Variants in SLC25A21 observed in about 807,000 individuals in gnomAD.
SLC25A21 encodes the protein mitochondrial 2-oxodicarboxylate carrier.
A neutral mutation model predicts 43.8 loss-of-function variants in SLC25A21; 47 were observed. That is an observed-to-expected ratio of 1.07 (90% CI 0.85 to 1.37). SLC25A21 has a LOEUF of 1.37. Among genes scored for constraint, SLC25A21 ranks in the 40% most tolerant of loss-of-function variants. SLC25A21 has a pLI of 0.00. For missense variants in SLC25A21, 352 were observed against 350.2 expected, an observed-to-expected ratio of 1.00 and a Z score of -0.04; for synonymous variants, 131 against 121.3, an observed-to-expected ratio of 1.08 and a Z score of -0.52.
At chr14:37,019,526 G>C (rs1415690447) in intron 1 of SLC25A21, among the ~76,000 whole-genome samples, 1 of 151,768 alleles carries the variant, frequency 6.6e-6, no homozygotes, top group Non-Finnish European at 1.5e-5. Context: ...CATTGGTAGT[G>C]GGAGCTCTGG....
At chr14:36,822,658 ATCT>A (rs1307819238) in intron 2 of SLC25A21, among the ~76,000 whole-genome samples, 2 of 152,218 alleles carry the variant, frequency 1.3e-5, no homozygotes, top group East Asian at 1.9e-4. Context: ...GACAAGGAAA[ATCT>A]TCTGTGCTAT....
chr14:36,911,301 AGAGTACCAAT>A (rs1269602164), intron 1 of SLC25A21, among the ~76,000 whole-genome samples: 1 of 152,218 alleles, frequency 6.6e-6, no homozygotes, highest in Non-Finnish European at 1.5e-5. Context: ...CACTCTGAAG[AGAGTACCAAT>A]GAGTATCATA....
At chr14:36,870,551 A>T (rs1239077285) in intron 2 of SLC25A21, 1 of 152,166 alleles carries the variant, frequency 6.6e-6, no homozygotes, top group Non-Finnish European at 1.5e-5. Flanking sequence ...AATACCAGTC[A>T]TAGTGGACTT....
At chr14:36,785,486 G>A (rs1178637188) in intron 3 of SLC25A21, among the ~76,000 whole-genome samples, 1 of 152,194 alleles carries the variant, frequency 6.6e-6, no homozygotes, top group East Asian at 1.9e-4. Context: ...CTGGAGGGAT[G>A]GAGAGAGGAT....
At chr14:37,165,028 C>T (rs183392744) in intron 1 of SLC25A21, among the ~76,000 whole-genome samples, 45 of 152,314 alleles carry the variant, frequency 3.0e-4, no homozygotes, top group Admixed American at 2.5e-3. Context: ...AAGCAATGAA[C>T]TGCAGGGAGA....
intron 1 of SLC25A21, among the ~76,000 whole-genome samples, chr14:36,944,820 C>T (rs532074282): frequency 5.5e-4 from 83 of 152,212 alleles, no homozygotes; most frequent in African/African-American, 1.9e-3. Flanking sequence ...AGATGAGATG[C>T]CCTAAAGCTA....
rs183775370 is a variant in SLC25A21, at chr14:37,122,229, G to C, written c.70+50052C>G. 2.0e-5 allele frequency among the ~76,000 whole-genome samples: 3 copies of C among 152,258 alleles called. No individual in the cohort carries two copies. The East Asian group carries it at 5.8e-4, about 29-fold the overall frequency. On this transcript the variant is annotated intron_variant, in intron 1 of 9. Coordinates refer to ENST00000331299, the MANE Select transcript of SLC25A21 (RefSeq NM_030631.4). Reference sequence around the variant, plus strand: ...TTTAGGTTAAGAAGAACTCTTTAACGTTTTTCAGTGCATCTGTTTAATCAG... The same window carrying C: ...TTTAGGTTAAGAAGAACTCTTTAACCTTTTTCAGTGCATCTGTTTAATCAG...
chr14:36,845,404 C>T lies in SLC25A21; in HGVS notation c.119+29552G>A, dbSNP rs527300000. On this transcript the variant is annotated intron_variant, in intron 2 of 9. Transcript: ENST00000331299. The stretch of plus-strand genomic sequence containing the variant: ...ATGCTATTTTCATGCACAATGCACA[C>T]TTTATATCCTTGAGATTCATTGTAA... Among the ~76,000 whole-genome samples the T allele has an allele frequency of 3.9e-5, 6 of 152,286 alleles. No homozygotes were observed. In the East Asian group the frequency reaches 1.2e-3, roughly 29 times the overall value.
intron 1 of SLC25A21, among the ~76,000 whole-genome samples, chr14:37,057,312 G>C (rs17106144): frequency 1.3e-5 from 2 of 152,136 alleles, no homozygotes; most frequent in African/African-American, 4.8e-5. Context: ...TATTCCAGGT[G>C]GGTCCTGAGT....
intron 1 of SLC25A21, among the ~76,000 whole-genome samples, chr14:36,936,862 C>T (rs1007290024): frequency 5.9e-5 from 9 of 152,156 alleles, no homozygotes; most frequent in African/African-American, 2.2e-4. Flanking sequence ...TAAATCCCCA[C>T]ACAGGAGGAG....
chr14:36,688,251 T>C (rs755090876), intron 7 of SLC25A21, among the ~76,000 whole-genome samples: 1 of 152,316 alleles, frequency 6.6e-6, no homozygotes, highest in African/African-American at 2.4e-5. Flanking sequence ...CCTCTCAAAA[T>C]TGATTTATCC....
chr14:36,698,362 A>C (rs1156455010), intron 7 of SLC25A21, among the ~76,000 whole-genome samples: 1 of 152,044 alleles, frequency 6.6e-6, no homozygotes, highest in Non-Finnish European at 1.5e-5. Context: ...CCTTCATTTC[A>C]ACCTTGGTGA....
chr14:36,686,639 T>A (rs1442761647), intron 7 of SLC25A21, among the ~76,000 whole-genome samples: 1 of 152,254 alleles, frequency 6.6e-6, no homozygotes, highest in Non-Finnish European at 1.5e-5. Flanking sequence ...AGTATTATTA[T>A]GTAGCCTGTT....
At chr14:36,803,295 C>G (rs972040588) in intron 3 of SLC25A21, among the ~76,000 whole-genome samples, 3 of 152,134 alleles carry the variant, frequency 2.0e-5, no homozygotes, top group African/African-American at 7.2e-5. Context: ...TTATTTTACA[C>G]ATGAAGCCAG....
intron 6 of SLC25A21, among the ~76,000 whole-genome samples, chr14:36,715,894 C>A (rs1395593895): frequency 6.6e-6 from 1 of 151,968 alleles, no homozygotes; most frequent in Non-Finnish European, 1.5e-5. Flanking sequence ...GAGTGCGAGA[C>A]CAGCTGGCCA....
At chr14:37,067,998 A>G (rs1279253026) in intron 1 of SLC25A21, among the ~76,000 whole-genome samples, 2 of 152,262 alleles carry the variant, frequency 1.3e-5, no homozygotes, top group African/African-American at 4.8e-5. Context: ...GTTTTGTCCT[A>G]CAACAGCAAA....
At chr14:36,871,246 C>T (rs868334089) in intron 2 of SLC25A21, among the ~76,000 whole-genome samples, 2 of 151,894 alleles carry the variant, frequency 1.3e-5, no homozygotes, top group African/African-American at 2.4e-5. Flanking sequence ...TATGAGAGAC[C>T]CTGGAGTGAT....
intron 3 of SLC25A21, among the ~76,000 whole-genome samples, chr14:36,739,109 T>C (rs1885153386): frequency 6.6e-6 from 1 of 152,126 alleles, no homozygotes; most frequent in Non-Finnish European, 1.5e-5. Flanking sequence ...TTTTGAAAAA[T>C]TGTTTATGTT....
At chr14:36,702,474 A>AC (rs1883317423) in intron 7 of SLC25A21, among the ~76,000 whole-genome samples, 3 of 131,698 alleles carry the variant, frequency 2.3e-5, no homozygotes, top group Non-Finnish European at 3.2e-5. Flanking sequence ...TCCTGTCTCC[A>AC]CAAAAAAAAA....
Sources: gnomAD v4.1 joint callset for allele counts (sites outside exome capture counted in the v4.1 genomes callset) on GRCh38, gnomAD v4.1.1 for gene constraint, MANE v1.5 for transcripts, NCBI Gene and HGNC (gene_info 2026-07-23, HGNC 2026-07-21) for gene names.